Variants in CSRP2 observed in about 807,000 individuals in gnomAD.
CSRP2 encodes the protein cysteine and glycine-rich protein 2.
Under a neutral mutation model 24.6 loss-of-function variants are expected in CSRP2, and 18 were observed. The ratio of observed to expected loss-of-function variants is 0.73; its 90% CI spans 0.51 to 1.09. The LOEUF (loss-of-function observed/expected upper bound fraction) is 1.09, where lower values mean the gene tolerates loss of function less well. CSRP2 is among the 50% of genes least tolerant of loss of function. CSRP2 has a pLI of 0.00. For missense variants in CSRP2, 215 were observed against 239.4 expected (o/e 0.90, Z 0.67); for synonymous variants, 87 against 84.3 (o/e 1.03, Z -0.18).
chr12:76,866,273 A>C lies in CSRP2; in HGVS notation c.-1-12T>G. On this transcript the variant is annotated splice_polypyrimidine_tract_variant and intron_variant, in intron 1 of 5. Coordinates refer to ENST00000311083, the MANE Select transcript of CSRP2 (RefSeq NM_001321.3). ...CCCAGACAGGCATTCTGAAGGAATA[A>C]AGGATTCATTAGAATGTCCCTGTGC... The C allele has an allele frequency of 6.2e-7, 1 of 1,602,200 alleles. No homozygotes were observed. Among genetic ancestry groups the C allele is most frequent in the South Asian group, 1.1e-5 (1 of 90,762 alleles).
intron 1 of CSRP2, among the ~76,000 whole-genome samples, chr12:76,874,060 T>G (rs555653419): frequency 6.6e-6 from 1 of 152,272 alleles, no homozygotes; most frequent in South Asian, 2.1e-4. Context: ...TAAAAACATG[T>G]GGACAAACAA....
intron 3 of CSRP2, 65 bp downstream of exon 3, chr12:76,863,111 G>A: frequency 6.5e-7 from 1 of 1,535,254 alleles, no homozygotes; most frequent in Non-Finnish European, 8.8e-7. Context: ...CCAGGTTCCT[G>A]TTCAGCAAGC....
At chr12:76,866,085 A>C (rs1317975310) in intron 2 of CSRP2, 64 bp downstream of exon 2, 4 of 1,247,732 alleles carry the variant, frequency 3.2e-6, no homozygotes, top group Non-Finnish European at 4.6e-6. Context: ...TTTTCCTTAA[A>C]TAGACATATT....
At chr12:76,871,402 A>ACCT (rs1025240980) in intron 1 of CSRP2, among the ~76,000 whole-genome samples, 2 of 152,124 alleles carry the variant, frequency 1.3e-5, no homozygotes, top group African/African-American at 4.8e-5. Flanking sequence ...GTCACTATAA[A>ACCT]CCTTCTTTTT....
chr12:76,866,061 G>C, intron 2 of CSRP2, 88 bp downstream of exon 2: 1 of 980,062 alleles, frequency 1.0e-6, no homozygotes, highest in Non-Finnish European at 1.5e-6. Flanking sequence ...GATCTTTGTT[G>C]GCAAAACCAC....
chr12:76,861,576 G>C (rs1169831678), intron 3 of CSRP2: 1 of 151,996 alleles, frequency 6.6e-6, no homozygotes, highest in Non-Finnish European at 1.5e-5. Context: ...AAGGAGAGCA[G>C]AACAAGTAAA....
intron 3 of CSRP2, chr12:76,861,715 T>C (rs1030730035): frequency 8.5e-5 from 13 of 152,210 alleles, no homozygotes; most frequent in African/African-American, 3.1e-4. Flanking sequence ...GAGAACAGAT[T>C]TTGGAACCAA....
At chr12:76,872,806 T>C (rs976349171) in intron 1 of CSRP2, among the ~76,000 whole-genome samples, 6 of 152,170 alleles carry the variant, frequency 3.9e-5, no homozygotes, top group African/African-American at 1.4e-4. Flanking sequence ...TTCTTCCTTC[T>C]GTCTTCTCCC....
At chr12:76,866,318 A>C in intron 1 of CSRP2, 57 bp from the exon 2 acceptor site, 1 of 1,392,092 alleles carries the variant, frequency 7.2e-7, no homozygotes, top group Non-Finnish European at 1.0e-6. Flanking sequence ...GGCTCCCTAG[A>C]GGGCTATTTA....
chr12:76,877,091 G>A (rs1214659005), intron 1 of CSRP2, among the ~76,000 whole-genome samples: 2 of 152,178 alleles, frequency 1.3e-5, no homozygotes, highest in African/African-American at 2.4e-5. Flanking sequence ...CTCTCCCATA[G>A]GGGGCTCCCT....
At position 76,860,024 on chromosome 12, in the gene CSRP2, C is replaced by T. The variant is rs1953659600; in HGVS notation, c.411+260G>A. 2.0e-5 allele frequency among the ~76,000 whole-genome samples: 3 copies of T among 152,206 alleles called. No homozygotes were observed. In the South Asian group the frequency reaches 6.2e-4, roughly 32 times the overall value. ...CTATACTGAATAACCTGGAGATTCC[C>T]TTACAGTCTGGCCTTTTAAAGTTTA... On this transcript the variant is annotated intron_variant, in intron 4 of 5. Transcript: ENST00000311083.
At chr12:76,865,442 T>C (rs868432621) in intron 2 of CSRP2, among the ~76,000 whole-genome samples, 1 of 152,220 alleles carries the variant, frequency 6.6e-6, no homozygotes. Context: ...AGTTTAGTTA[T>C]GCTATTAAAG....
rs562338106 is a variant in CSRP2 at position 76,867,970 on chromosome 12, G to A, written c.-1-1709C>T. On this transcript the variant is annotated intron_variant, in intron 1 of 5. Transcript: ENST00000311083. Reference sequence around the variant, plus strand: ...AAAGATTAATGGAGTTGATCATTGCGGTGGGGAACTTTCCAGCACTCAGTA... The same window carrying A: ...AAAGATTAATGGAGTTGATCATTGCAGTGGGGAACTTTCCAGCACTCAGTA... Among the ~76,000 whole-genome samples the A allele has an allele frequency of 2.0e-5, 3 of 152,234 alleles. No individual in the cohort carries two copies. The South Asian group carries it at 6.2e-4, about 32-fold the overall frequency.
chr12:76,873,353 T>C lies in CSRP2; in HGVS notation c.-2+5585A>G, dbSNP rs181015151. On this transcript the variant is annotated intron_variant, in intron 1 of 5. Transcript: ENST00000311083. The stretch of plus-strand genomic sequence containing the variant: ...ACCAGGATTTGACAGCTGTAGTTAA[T>C]TGGAAATTAAGCTTTCAGTTGATGC... 2.7e-4 allele frequency among the ~76,000 whole-genome samples: 41 copies of C among 152,356 alleles called. No homozygotes were observed. The East Asian group carries it at 6.0e-3, about 22-fold the overall frequency.
intron 1 of CSRP2, among the ~76,000 whole-genome samples, chr12:76,872,012 C>A (rs1315030934): frequency 6.6e-6 from 1 of 152,184 alleles, no homozygotes; most frequent in Non-Finnish European, 1.5e-5. Flanking sequence ...ATCTGGGCTG[C>A]ATGCCTTTCC....
rs1473123077 is a variant in CSRP2, at chr12:76,860,419, G to T, written c.282-6C>A. On this transcript the variant is annotated splice_region_variant and splice_polypyrimidine_tract_variant and intron_variant, in intron 3 of 5. Transcript: ENST00000311083. The stretch of plus-strand genomic sequence containing the variant: ...TAGGCCTGTGAGGCTGAACACTTGT[G>T]AAAAGAGGAAAAAAAAAGTAGGCAA... 6.4e-7 allele frequency: 1 copy of T among 1,559,728 alleles called. No homozygotes were observed. The highest frequency in any genetic ancestry group is 8.7e-7 in the Non-Finnish European group (1 of 1,154,842).
At chr12:76,869,953 C>T (rs116151132) in intron 1 of CSRP2, among the ~76,000 whole-genome samples, 2,130 of 152,290 alleles carry the variant, frequency 0.014, 47 homozygotes, top group African/African-American at 0.048. Context: ...TACCTGTATT[C>T]TGAATGCTCA....
At position 76,866,176 on chromosome 12, in the gene CSRP2, T is replaced by G. The variant is rs1223979224; in HGVS notation, c.85A>C (p.Ser29Arg). ...HAEEVQCDGR[S>R]FHRCCFLCMV... ...CAGAGAAAGCAGCAGCGGTGGAAGC[T>G]CCTGCCATCACACTGCACCTCTTCT... The change falls in exon 2 of 6, where the codon AGC becomes CGC. Residue 29 changes from serine (S) to arginine (R), a missense_variant. By Grantham distance (110) the Ser-to-Arg change is moderately radical. Coordinates refer to ENST00000311083, the MANE Select transcript of CSRP2 (RefSeq NM_001321.3). 1 of 1,613,806 alleles carries G rather than the reference T, an allele frequency of 6.2e-7. No homozygotes were observed. Among genetic ancestry groups the G allele is most frequent in the Non-Finnish European group, 8.5e-7 (1 of 1,179,940 alleles).
intron 1 of CSRP2, among the ~76,000 whole-genome samples, chr12:76,867,399 A>G (rs1298197706): frequency 6.6e-6 from 1 of 151,340 alleles, no homozygotes; most frequent in Non-Finnish European, 1.5e-5. Flanking sequence ...AATCCCAGCT[A>G]CTTGGGAGGC....
Sources: gnomAD v4.1 joint callset for allele counts (sites outside exome capture counted in the v4.1 genomes callset) on GRCh38, gnomAD v4.1.1 for gene constraint, MANE v1.5 for transcripts, NCBI Gene and HGNC (gene_info 2026-07-23, HGNC 2026-07-21) for gene names.